Variants in CREBL2 observed in about 807,000 individuals in gnomAD.
CREBL2 encodes cAMP-responsive element-binding protein-like 2.
CREBL2 carries 4 observed loss-of-function variants against 19.5 expected under a neutral mutation model. The observed-to-expected ratio is 0.20, with a 90% confidence interval of 0.10 to 0.47. The LOEUF (loss-of-function observed/expected upper bound fraction) is 0.47. Ranked by LOEUF, CREBL2 falls within the 20% of genes least tolerant of loss-of-function variation. The pLI, the probability that CREBL2 is intolerant of heterozygous loss-of-function variation, is 0.98. For synonymous variants in CREBL2, 42 were observed against 46.6 expected (o/e 0.90, Z 0.40); for missense variants, 85 against 145.1 (o/e 0.59, Z 2.13).
At position 12,630,521 on chromosome 12, in the gene CREBL2, T is replaced by C. The variant is rs151046625; in HGVS notation, c.16-5256T>C. 2.6e-3 allele frequency among the ~76,000 whole-genome samples: 402 copies of C among 152,310 alleles called. 2 individuals carry two copies. The highest frequency in any genetic ancestry group is 4.1e-3 in the Admixed American group (62 of 15,306). On this transcript the variant is annotated intron_variant, in intron 1 of 3. Transcript: ENST00000228865. ...TCCGTCTAGCTAAAGGTTGGTGAAT[T>C]TTGTTGATCCTTTTGAGGAACAATC...
At chr12:12,640,847 G>A (rs567507935) in intron 3 of CREBL2, among the ~76,000 whole-genome samples, 2 of 152,080 alleles carry the variant, frequency 1.3e-5, no homozygotes, top group Non-Finnish European at 2.9e-5. Context: ...TTTGTTGATA[G>A]TGTTCTTTGA....
rs1373437705 is a variant in CREBL2, at chr12:12,642,496, G to C, written c.*498G>C. On this transcript the variant is annotated 3_prime_UTR_variant, in exon 4 of 4. Coordinates refer to ENST00000228865, the MANE Select transcript of CREBL2 (RefSeq NM_001310.4). ...GACCTAATCTTATTTTTATTTACTT[G>C]AGTAATGTTTATTCTCTGCATGAAC... 6.5e-6 allele frequency: 1 copy of C among 152,858 alleles called. No individual in the cohort carries two copies. Among genetic ancestry groups the C allele is most frequent in the African/African-American group, 2.4e-5 (1 of 41,544 alleles). 9.5% of individuals were successfully genotyped at this position (152,858 alleles called of 1,614,324 possible).
chr12:12,618,908 G>T (rs925431913), intron 1 of CREBL2, among the ~76,000 whole-genome samples: 2 of 152,126 alleles, frequency 1.3e-5, no homozygotes, highest in African/African-American at 4.8e-5. Flanking sequence ...GCGTGGCGGC[G>T]CACACCTGCA....
At chr12:12,636,460 G>C (rs567914042) in intron 2 of CREBL2, among the ~76,000 whole-genome samples, 1 of 151,006 alleles carries the variant, frequency 6.6e-6, no homozygotes, top group Non-Finnish European at 1.5e-5. Flanking sequence ...TTGCTCTGTC[G>C]CCCAGGCTGG....
At chr12:12,612,516 C>G (rs1945275396) in intron 1 of CREBL2, among the ~76,000 whole-genome samples, 1 of 152,190 alleles carries the variant, frequency 6.6e-6, no homozygotes, top group South Asian at 2.1e-4. Context: ...GCTGCCTCCT[C>G]TCTCCAGTTT....
chr12:12,615,391 TTCA>T (rs1408374334), intron 1 of CREBL2: 2 of 151,698 alleles, frequency 1.3e-5, no homozygotes, highest in Non-Finnish European at 2.9e-5. Context: ...GAGACAGGGT[TTCA>T]TCATGTTGGC....
At chr12:12,614,098 A>T (rs985681592) in intron 1 of CREBL2, among the ~76,000 whole-genome samples, 1 of 146,672 alleles carries the variant, frequency 6.8e-6, no homozygotes, top group African/African-American at 2.5e-5. Flanking sequence ...GGTTCAAGCA[A>T]TTCTCCTGCC....
At chr12:12,628,549 G>A (rs1266084003) in intron 1 of CREBL2, among the ~76,000 whole-genome samples, 2 of 152,192 alleles carry the variant, frequency 1.3e-5, no homozygotes, top group African/African-American at 4.8e-5. Flanking sequence ...AAGGTCATAA[G>A]GAGTAAATCC....
chr12:12,618,863 C>A (rs1162039201), intron 1 of CREBL2, among the ~76,000 whole-genome samples: 1 of 152,210 alleles, frequency 6.6e-6, no homozygotes, highest in African/African-American at 2.4e-5. Flanking sequence ...CACAGCGAAA[C>A]CCCGTCTCCA....
intron 3 of CREBL2, among the ~76,000 whole-genome samples, chr12:12,641,253 A>ATTATTTTTTTTTTTT (rs1478394376): frequency 1.3e-5 from 1 of 78,260 alleles, no homozygotes; most frequent in Non-Finnish European, 2.5e-5. Flanking sequence ...TATTATTATT[A>ATTATTTTTTTTTTTT]TTTTTTTTTA....
At chr12:12,613,836 G>T (rs953583039) in intron 1 of CREBL2, among the ~76,000 whole-genome samples, 1 of 151,832 alleles carries the variant, frequency 6.6e-6, no homozygotes, top group African/African-American at 2.4e-5. Flanking sequence ...AGTAACATTC[G>T]TGGGGTATGA....
At chr12:12,641,253 A>ATTTTTT (rs142404101) in intron 3 of CREBL2, among the ~76,000 whole-genome samples, 1,095 of 77,900 alleles carry the variant, frequency 0.014, 72 homozygotes, top group Non-Finnish European at 0.021. Flanking sequence ...TATTATTATT[A>ATTTTTT]TTTTTTTTTA....
chr12:12,628,623 A>T (rs994227807), intron 1 of CREBL2, among the ~76,000 whole-genome samples: 42 of 151,880 alleles, frequency 2.8e-4, no homozygotes, highest in African/African-American at 9.2e-4. Flanking sequence ...TATTTTTTTT[A>T]AATTTGAGAC....
intron 1 of CREBL2, among the ~76,000 whole-genome samples, chr12:12,625,153 G>A (rs931867926): frequency 2.0e-5 from 3 of 152,178 alleles, no homozygotes; most frequent in Non-Finnish European, 4.4e-5. Context: ...ACATTCGAGT[G>A]GGAAAACAGG....
rs758294210 is a variant in CREBL2, at chr12:12,643,848, T to C, written c.*1850T>C. On this transcript the variant is annotated 3_prime_UTR_variant, in exon 4 of 4. Coordinates refer to ENST00000228865, the MANE Select transcript of CREBL2 (RefSeq NM_001310.4). ...CTTCAGAATTTAAGGGTTTTAAATATAGCATTCAGATTGTAATTGGTATGT... is the reference window on the plus strand; with the variant it reads ...CTTCAGAATTTAAGGGTTTTAAATACAGCATTCAGATTGTAATTGGTATGT... 1.3e-5 allele frequency: 2 copies of C among 152,644 alleles called. No homozygotes were observed. The highest frequency in any genetic ancestry group is 2.9e-5 in the Non-Finnish European group (2 of 68,034). The allele number at this position is 152,644 out of a possible 1,614,324, so 9.5% of individuals were successfully genotyped here.
At chr12:12,632,286 T>G (rs967018229) in intron 1 of CREBL2, among the ~76,000 whole-genome samples, 1 of 151,428 alleles carries the variant, frequency 6.6e-6, no homozygotes, top group Non-Finnish European at 1.5e-5. Flanking sequence ...ACCGTTTTAG[T>G]CAGGATGGTC....
intron 1 of CREBL2, among the ~76,000 whole-genome samples, chr12:12,612,629 C>T (rs1449920237): frequency 6.6e-6 from 1 of 152,116 alleles, no homozygotes; most frequent in Admixed American, 6.5e-5. Flanking sequence ...GTTCACTCCC[C>T]CTCTGAGCTA....
chr12:12,645,085 C>T lies in CREBL2; in HGVS notation c.*3087C>T, dbSNP rs1050203865. On this transcript the variant is annotated 3_prime_UTR_variant, in exon 4 of 4. Transcript: ENST00000228865. ...AAAACTGTTAAATAGGGAAGAACTA[C>T]ATTAAATTTAAATATTCACATTATG... The T allele has an allele frequency of 2.0e-5, 3 of 152,154 alleles. No homozygotes were observed. The highest frequency in any genetic ancestry group is 2.0e-4 in the Admixed American group (3 of 15,292). The allele number at this position is 152,154 out of a possible 1,614,324, so 9.4% of individuals were successfully genotyped here.
intron 3 of CREBL2, among the ~76,000 whole-genome samples, chr12:12,638,679 T>G (rs1945494776): frequency 6.6e-6 from 1 of 152,150 alleles, no homozygotes; most frequent in African/African-American, 2.4e-5. Context: ...TTGATTGTGT[T>G]AAGGAATTAT....
Sources: allele counts gnomAD v4.1 joint callset (sites outside exome capture counted in the v4.1 genomes callset), GRCh38; gene constraint gnomAD v4.1.1; transcripts MANE v1.5; gene names NCBI Gene and HGNC (gene_info 2026-07-23, HGNC 2026-07-21).